The following OPCML variants were observed in gnomAD, a reference collection of about 807,000 sequenced individuals.
OPCML encodes the protein opioid-binding protein/cell adhesion molecule.
A neutral mutation model predicts 37.8 loss-of-function variants in OPCML; 13 were observed. The observed-to-expected ratio is 0.34, with a 90% CI of 0.22 to 0.55. The LOEUF (loss-of-function observed/expected upper bound fraction) is 0.55, where lower values mean the gene tolerates loss of function less well. Ranked by LOEUF, OPCML falls within the 20% of genes least tolerant of loss-of-function variation. The pLI is 0.91. For synonymous variants in OPCML, 176 were observed against 168.8 expected, an observed-to-expected ratio of 1.04 and a Z score of -0.33; for missense variants, 341 against 435.6, an observed-to-expected ratio of 0.78 and a Z score of 1.93.
chr11:133,405,330 G>T (rs939365827), intron 1 of OPCML, among the ~76,000 whole-genome samples: 19 of 152,342 alleles, frequency 1.2e-4, no homozygotes, highest in South Asian at 1.0e-3. Context: ...CAGGCAGACT[G>T]TGTCTTGCGG....
chr11:132,710,536 G>T (rs1944218098), intron 2 of OPCML, among the ~76,000 whole-genome samples: 1 of 152,156 alleles, frequency 6.6e-6, no homozygotes. Flanking sequence ...GTTGTCAAAT[G>T]GTGAGCTTTC....
At chr11:132,673,641 G>A (rs923047873) in intron 2 of OPCML, among the ~76,000 whole-genome samples, 5 of 152,122 alleles carry the variant, frequency 3.3e-5, no homozygotes, top group Non-Finnish European at 5.9e-5. Context: ...AGTTTGAGGA[G>A]AAAGCACTTT....
Position 132,437,205 on chromosome 11 carries a change from G to T in OPCML, c.643+17C>A. On this transcript the variant is annotated intron_variant, in intron 5 of 7. Coordinates refer to ENST00000524381, the MANE Select transcript of OPCML (RefSeq NM_001012393.5). ...GCCGTCTTTTCCCCAGAACCCCCTGGCTGCAGGTCCACTCACAGTTTACAG... is the reference window on the plus strand; with the variant it reads ...GCCGTCTTTTCCCCAGAACCCCCTGTCTGCAGGTCCACTCACAGTTTACAG... 6.2e-7 allele frequency: 1 copy of T among 1,608,884 alleles called. No individual in the cohort carries two copies. Among genetic ancestry groups the T allele is most frequent in the East Asian group, 2.2e-5 (1 of 44,740 alleles).
At chr11:132,887,346 G>A (rs1233361275) in intron 2 of OPCML, among the ~76,000 whole-genome samples, 1 of 152,202 alleles carries the variant, frequency 6.6e-6, no homozygotes, top group Non-Finnish European at 1.5e-5. Context: ...ACCGCCTAAT[G>A]AAGCATTTCT....
At chr11:132,447,863 G>A (rs1176163914) in intron 4 of OPCML, among the ~76,000 whole-genome samples, 1 of 152,210 alleles carries the variant, frequency 6.6e-6, no homozygotes, top group Non-Finnish European at 1.5e-5. Context: ...GGTCAAGAAA[G>A]ATTCTGTGTG....
intron 1 of OPCML, among the ~76,000 whole-genome samples, chr11:133,359,756 T>C (rs1375370475): frequency 6.6e-6 from 1 of 152,234 alleles, no homozygotes; most frequent in East Asian, 1.9e-4. Context: ...AGCTCATTCA[T>C]GGAATGGAGC....
intron 3 of OPCML, among the ~76,000 whole-genome samples, chr11:132,558,534 C>T (rs1300849715): frequency 1.7e-5 from 2 of 116,694 alleles, no homozygotes; most frequent in East Asian, 2.8e-4. Context: ...TCTTCTTCTT[C>T]GTCTTCGTCT....
chr11:133,016,598 T>C (rs1296204094), intron 1 of OPCML, among the ~76,000 whole-genome samples: 1 of 152,214 alleles, frequency 6.6e-6, no homozygotes, highest in African/African-American at 2.4e-5. Context: ...CATTAGAACA[T>C]AATATAATCA....
chr11:132,835,100 G>C (rs1940934850), intron 2 of OPCML, among the ~76,000 whole-genome samples: 1 of 152,092 alleles, frequency 6.6e-6, no homozygotes, highest in Admixed American at 6.5e-5. Context: ...AGGTGGCCAG[G>C]CTGAGGAGGA....
chr11:133,130,452 A>G (rs10894652), intron 1 of OPCML, among the ~76,000 whole-genome samples: 44,965 of 152,024 alleles, frequency 0.3, 7,319 homozygotes, highest in African/African-American at 0.41. Flanking sequence ...TTAGATATAA[A>G]TCTAACATAA....
In OPCML at chr11:132,756,358, A is replaced by G. The variant is rs529160599; in HGVS notation, c.147-99039T>C. On this transcript the variant is annotated intron_variant, in intron 2 of 7. Transcript: ENST00000524381. ...TGGAACTAAGAGATGGTATTTCTGA[A>G]TGCTAAGGTAACAGGGTTTCTTGGC... Among the ~76,000 whole-genome samples the G allele has an allele frequency of 7.9e-5, 12 of 152,278 alleles. No individual in the cohort carries two copies. The South Asian group carries it at 2.5e-3, about 32-fold the overall frequency.
intron 2 of OPCML, among the ~76,000 whole-genome samples, chr11:132,769,525 C>A (rs2136119106): frequency 6.6e-6 from 1 of 152,332 alleles, no homozygotes; most frequent in Non-Finnish European, 1.5e-5. Context: ...TCACACACAG[C>A]TGCCCATTGT....
At chr11:132,595,759 A>G (rs1338701380) in intron 3 of OPCML, among the ~76,000 whole-genome samples, 1 of 152,198 alleles carries the variant, frequency 6.6e-6, no homozygotes, top group Non-Finnish European at 1.5e-5. Flanking sequence ...CATCAGGAGG[A>G]CGTGGCAGAG....
chr11:132,521,886 G>A (rs145414312), intron 4 of OPCML, among the ~76,000 whole-genome samples: 3 of 152,022 alleles, frequency 2.0e-5, no homozygotes, highest in East Asian at 1.9e-4. Flanking sequence ...TGTATAGTTC[G>A]GCAACATTCA....
At chr11:133,148,337 GC>G (rs1320881234) in intron 1 of OPCML, among the ~76,000 whole-genome samples, 4 of 152,194 alleles carry the variant, frequency 2.6e-5, no homozygotes, top group African/African-American at 9.6e-5. Context: ...AGAGCTCACA[GC>G]CAGAGACGAT....
At chr11:132,942,030 G>C (rs7927213) in intron 2 of OPCML, among the ~76,000 whole-genome samples, 1 of 152,098 alleles carries the variant, frequency 6.6e-6, no homozygotes, top group Non-Finnish European at 1.5e-5. Context: ...AAATGCATTC[G>C]CCCTGTGTAC....
intron 2 of OPCML, among the ~76,000 whole-genome samples, chr11:132,881,643 A>G (rs989856163): frequency 1.1e-4 from 17 of 152,144 alleles, no homozygotes; most frequent in African/African-American, 4.1e-4. Flanking sequence ...AAAAAAGAAA[A>G]AAAGGCCGTC....
chr11:133,410,634 T>TAAAAAA lies in OPCML; in HGVS notation c.61+121624_61+121629dup, dbSNP rs71038527. Among the ~76,000 whole-genome samples, 21 of 47,010 alleles carry TAAAAAA rather than the reference T, an allele frequency of 4.5e-4. 4 individuals carry two copies. Among genetic ancestry groups the TAAAAAA allele is most frequent in the South Asian group, 1.2e-3 (1 of 816 alleles). 30.8% of individuals were successfully genotyped at this position (47,010 alleles called of 152,430 possible). The stretch of plus-strand genomic sequence containing the variant: ...TGAAAGCACACGTTAAGAAAAAAAG[T>TAAAAAA]AAAAAAAAAAAAAAAAAAAAAAAAA... On this transcript the variant is annotated intron_variant, in intron 1 of 7. Coordinates refer to ENST00000524381, the MANE Select transcript of OPCML (RefSeq NM_001012393.5).
intron 1 of OPCML, among the ~76,000 whole-genome samples, chr11:133,124,089 G>A (rs377217938): frequency 4.0e-5 from 6 of 151,880 alleles, no homozygotes; most frequent in Non-Finnish European, 8.8e-5. Flanking sequence ...CCAATGGAGA[G>A]AAGGAAATGT....
Sources: gnomAD v4.1 joint callset for allele counts (sites outside exome capture counted in the v4.1 genomes callset) on GRCh38, gnomAD v4.1.1 for gene constraint, MANE v1.5 for transcripts, NCBI Gene and HGNC (gene_info 2026-07-23, HGNC 2026-07-21) for gene names.